CFAP299: variants seen among roughly 807,000 people sequenced by gnomAD.
CFAP299 encodes the protein cilia and flagella associated protein 299.
A neutral mutation model predicts 27.0 loss-of-function variants in CFAP299; 21 were observed. That is an observed-to-expected ratio of 0.78 (90% CI 0.55 to 1.12). The LOEUF is 1.12. Ranked by LOEUF, CFAP299 falls within the 50% of genes most tolerant of loss-of-function variation. The pLI, the probability that CFAP299 is intolerant of heterozygous loss-of-function variation, is 0.00. For missense variants in CFAP299, 310 were observed against 276.6 expected (o/e 1.12, Z -0.86); for synonymous variants, 104 against 98.1 (o/e 1.06, Z -0.36).
In CFAP299 at chr4:80,887,025, C is replaced by T. The variant is rs555578077; in HGVS notation, c.476+16890C>T. Among the ~76,000 whole-genome samples the T allele has an allele frequency of 2.8e-4, 42 of 151,800 alleles. 1 individual carries two copies. In the South Asian group the frequency reaches 8.5e-3, roughly 31 times the overall value. On this transcript the variant is annotated intron_variant, in intron 4 of 5. Coordinates refer to ENST00000358105, the MANE Select transcript of CFAP299 (RefSeq NM_152770.3). ...CTTGAAAATAGCCTATTCGAAAATA[C>T]ACAGTCAGAGGAGACAAAAGAAAAA...
intron 2 of CFAP299, among the ~76,000 whole-genome samples, chr4:80,398,176 C>G (rs192310736): frequency 1.3e-5 from 2 of 151,822 alleles, no homozygotes; most frequent in African/African-American, 4.8e-5. Flanking sequence ...CACTGCTCAA[C>G]GAAATAAAAG....
chr4:80,604,082 C>T (rs990176882), intron 3 of CFAP299, among the ~76,000 whole-genome samples: 1 of 152,076 alleles, frequency 6.6e-6, no homozygotes, highest in Non-Finnish European at 1.5e-5. Flanking sequence ...AACCATTATC[C>T]TTACCTTTAG....
chr4:80,698,450 G>A (rs893570837), intron 3 of CFAP299, among the ~76,000 whole-genome samples: 13 of 152,124 alleles, frequency 8.5e-5, no homozygotes, highest in Admixed American at 2.0e-4. Flanking sequence ...TTATTAATAC[G>A]TCAAGTTAAT....
At chr4:80,583,017 C>T (rs1223309077) in intron 2 of CFAP299, 76 bp from the exon 3 acceptor site, 3 of 805,738 alleles carry the variant, frequency 3.7e-6, no homozygotes, top group African/African-American at 1.8e-5. Context: ...CTTAAAGAAG[C>T]ATTGTTGTTG....
chr4:80,861,815 A>C (rs370815314), intron 3 of CFAP299, among the ~76,000 whole-genome samples: 2 of 152,218 alleles, frequency 1.3e-5, no homozygotes, highest in South Asian at 2.1e-4. Context: ...TATTACTAGC[A>C]TAAAACCCAT....
intron 3 of CFAP299, among the ~76,000 whole-genome samples, chr4:80,798,996 G>T (rs1275524809): frequency 2.0e-5 from 3 of 149,710 alleles, no homozygotes; most frequent in Non-Finnish European, 3.0e-5. Flanking sequence ...AACAATAAAA[G>T]AATTCATCCT....
intron 2 of CFAP299, among the ~76,000 whole-genome samples, chr4:80,418,785 G>C (rs1381723864): frequency 2.6e-5 from 4 of 152,130 alleles, no homozygotes; most frequent in Non-Finnish European, 5.9e-5. Context: ...TTAACATAAT[G>C]CTCTCCGTTT....
upstream of CFAP299, among the ~76,000 whole-genome samples, chr4:80,330,946 C>G (rs180755421): frequency 3.0e-4 from 46 of 152,194 alleles, 1 homozygote; most frequent in Admixed American, 7.2e-4. Flanking sequence ...ATAGTCTTTG[C>G]CTTTATGTTC....
chr4:80,667,490 C>T (rs1473891640), intron 3 of CFAP299, among the ~76,000 whole-genome samples: 1 of 152,096 alleles, frequency 6.6e-6, no homozygotes, highest in African/African-American at 2.4e-5. Flanking sequence ...TTATTCCCCT[C>T]ACTTGCCCCT....
chr4:80,440,141 C>G (rs573260010), intron 2 of CFAP299, among the ~76,000 whole-genome samples: 30 of 152,182 alleles, frequency 2.0e-4, no homozygotes, highest in African/African-American at 7.0e-4. Context: ...CAGACTTAAA[C>G]GTTCCTGCCT....
At chr4:80,403,178 C>T (rs568001258) in intron 2 of CFAP299, among the ~76,000 whole-genome samples, 1 of 152,170 alleles carries the variant, frequency 6.6e-6, no homozygotes, top group African/African-American at 2.4e-5. Flanking sequence ...AAGAAAAAAC[C>T]GGAACTCTGA....
chr4:80,801,694 G>T (rs1259905683), intron 3 of CFAP299, among the ~76,000 whole-genome samples: 3 of 151,988 alleles, frequency 2.0e-5, no homozygotes, highest in Admixed American at 6.6e-5. Context: ...CTCAAATTCT[G>T]TACAGTTAAG....
chr4:80,408,849 A>C (rs1726564488), intron 2 of CFAP299, among the ~76,000 whole-genome samples: 2 of 151,866 alleles, frequency 1.3e-5, no homozygotes, highest in African/African-American at 4.8e-5. Flanking sequence ...TTTTTTCCCA[A>C]ATCATTGTAA....
At chr4:80,654,332 A>G (rs763076746) in intron 3 of CFAP299, among the ~76,000 whole-genome samples, 1 of 152,074 alleles carries the variant, frequency 6.6e-6, no homozygotes, top group Non-Finnish European at 1.5e-5. Flanking sequence ...ATTGGTCTGG[A>G]AGATTTCTCA....
the CFAP299 span, among the ~76,000 whole-genome samples, chr4:80,324,825 T>TA: frequency 1.3e-5 from 2 of 151,910 alleles, no homozygotes; most frequent in South Asian, 4.2e-4. Flanking sequence ...GAGGGCGAGG[T>TA]AAAAAAAGAA....
chr4:80,437,513 C>T (rs879395174), intron 2 of CFAP299, among the ~76,000 whole-genome samples: 2 of 152,172 alleles, frequency 1.3e-5, no homozygotes, highest in Non-Finnish European at 2.9e-5. Flanking sequence ...AGCTGATACC[C>T]TGTACACTTA....
intron 2 of CFAP299, among the ~76,000 whole-genome samples, chr4:80,488,534 CATG>C (rs1730946274): frequency 1.4e-5 from 2 of 147,942 alleles, no homozygotes; most frequent in Non-Finnish European, 3.0e-5. Context: ...AGTGCAGTGG[CATG>C]ATCTTGGCTT....
chr4:80,926,246 G>T (rs1417615097), intron 4 of CFAP299, among the ~76,000 whole-genome samples: 1 of 152,062 alleles, frequency 6.6e-6, no homozygotes, highest in African/African-American at 2.4e-5. Flanking sequence ...TGTGACTAGA[G>T]AGATGGCTTC....
At chr4:80,908,658 C>T (rs1377359054) in intron 4 of CFAP299, among the ~76,000 whole-genome samples, 5 of 152,122 alleles carry the variant, frequency 3.3e-5, no homozygotes, top group Admixed American at 3.3e-4. Context: ...CATAAATGTG[C>T]AAACCAAATT....
Sources: allele counts gnomAD v4.1 joint callset (sites outside exome capture counted in the v4.1 genomes callset), GRCh38; gene constraint gnomAD v4.1.1; transcripts MANE v1.5; gene names NCBI Gene and HGNC (gene_info 2026-07-23, HGNC 2026-07-21).